The following WWC1 variants were observed in gnomAD, a reference collection of about 807,000 sequenced individuals.
WWC1 encodes the protein WW and C2 domain containing 1.
In WWC1, 55 loss-of-function variants were observed where a neutral mutation model predicts 138.4. The ratio of observed to expected loss-of-function variants is 0.40; its 90% CI spans 0.32 to 0.50. The LOEUF is 0.50. WWC1 is among the 20% of genes least tolerant of loss of function. WWC1 has a pLI of 0.72. For missense variants in WWC1, 1,226 were observed against 1,420.4 expected (o/e 0.86, Z 2.20); for synonymous variants, 524 against 564.9 (o/e 0.93, Z 1.03).
intron 17 of WWC1, among the ~76,000 whole-genome samples, chr5:168,445,972 A>G (rs1755223115): frequency 1.3e-5 from 2 of 152,140 alleles, no homozygotes. Context: ...CCCACACAGC[A>G]ACTTTTGCTT....
At chr5:168,327,221 C>G (rs1022869384) in intron 1 of WWC1, among the ~76,000 whole-genome samples, 11 of 152,224 alleles carry the variant, frequency 7.2e-5, no homozygotes, top group Admixed American at 2.6e-4. Context: ...CTTAGCATGA[C>G]TCAGGGCCCC....
At chr5:168,452,780 T>G (rs1053053178) in intron 17 of WWC1, among the ~76,000 whole-genome samples, 1 of 152,030 alleles carries the variant, frequency 6.6e-6, no homozygotes, top group South Asian at 2.1e-4. Flanking sequence ...CTCCTCCTCC[T>G]CCTCCTCTTC....
chr5:168,356,996 G>A (rs1452288584), intron 1 of WWC1, among the ~76,000 whole-genome samples: 1 of 152,084 alleles, frequency 6.6e-6, no homozygotes, highest in Non-Finnish European at 1.5e-5. Context: ...AATCATGATG[G>A]TCATGATGCC....
chr5:168,438,313 T>C (rs941256952), intron 15 of WWC1, among the ~76,000 whole-genome samples: 6 of 152,118 alleles, frequency 3.9e-5, no homozygotes, highest in African/African-American at 1.4e-4. Context: ...TGGGGGCTGT[T>C]ACCCCCATGC....
intron 3 of WWC1, among the ~76,000 whole-genome samples, chr5:168,388,580 A>G (rs1350864241): frequency 6.6e-6 from 1 of 152,214 alleles, no homozygotes; most frequent in Non-Finnish European, 1.5e-5. Context: ...CTGTAATCCC[A>G]GCAATTTGGG....
At position 168,441,655 on chromosome 5, in the gene WWC1, T is replaced by C. The variant is rs544516801; in HGVS notation, c.2281-27T>C. 13 of 1,610,406 alleles carry C rather than the reference T, an allele frequency of 8.1e-6. No individual in the cohort carries two copies. In the African/African-American group the frequency reaches 1.2e-4, roughly 15 times the overall value. On this transcript the variant is annotated intron_variant, in intron 15 of 22. Transcript: ENST00000265293. The stretch of plus-strand genomic sequence containing the variant: ...CTGGTGTCCCCCCCACCGCCACTTA[T>C]GTTCTCCTTGTTTCCATCCCCAACA...
Position 168,464,732 on chromosome 5 carries a change from T to C in WWC1, c.2920T>C (p.Ser974Pro). The C allele has an allele frequency of 6.2e-7, 1 of 1,614,086 alleles. No individual in the cohort carries two copies. The change falls in exon 21 of 23, where the codon TCC becomes CCC. Residue 974 changes from serine to proline, a missense_variant. This residue lies in a region of WWC1 where 206 missense variants were observed against 247.4 expected (regional missense o/e 0.83). Transcript: ENST00000265293. ...GAAGCCGTCCCCACCCCCACAGCCT[T>C]CCTCGGTCAAGTCGCTGCGCTCCGA... Reference protein sequence around the residue: ...ERRSVRMKRPSSVKSLRSERL... With the variant: ...ERRSVRMKRPPSVKSLRSERL...
At chr5:168,295,919 C>G (rs1011090865) in intron 1 of WWC1, among the ~76,000 whole-genome samples, 2 of 152,200 alleles carry the variant, frequency 1.3e-5, no homozygotes, top group Non-Finnish European at 2.9e-5. Flanking sequence ...GTCCTGCCCA[C>G]TGGGCCAAAG....
At chr5:168,367,535 G>GTTAGCCAGGATC in intron 1 of WWC1, among the ~76,000 whole-genome samples, 1 of 148,590 alleles carries the variant, frequency 6.7e-6, no homozygotes, top group South Asian at 2.2e-4. Context: ...GTTTCACCGT[G>GTTAGCCAGGATC]GTCTCGATCT....
chr5:168,451,148 A>G (rs2152881962), intron 17 of WWC1, among the ~76,000 whole-genome samples: 1 of 152,168 alleles, frequency 6.6e-6, no homozygotes, highest in Non-Finnish European at 1.5e-5. Context: ...CCTCCCGAGT[A>G]GCTAGAATTA....
At chr5:168,420,724 C>T (rs1287022688) in intron 9 of WWC1, among the ~76,000 whole-genome samples, 10 of 152,276 alleles carry the variant, frequency 6.6e-5, no homozygotes, top group Middle Eastern at 3.4e-3. Flanking sequence ...TAGCAGTAAC[C>T]GCACAGTCTT....
At chr5:168,313,452 G>C (rs990607735) in intron 1 of WWC1, among the ~76,000 whole-genome samples, 3 of 152,248 alleles carry the variant, frequency 2.0e-5, no homozygotes, top group East Asian at 3.9e-4. Flanking sequence ...TTAGCCAGAC[G>C]TGGTGGCGGG....
At chr5:168,396,882 G>T (rs1778943350) in intron 3 of WWC1, among the ~76,000 whole-genome samples, 3 of 152,104 alleles carry the variant, frequency 2.0e-5, no homozygotes, top group East Asian at 1.9e-4. Flanking sequence ...TTGTATTAGG[G>T]TGGTAAGATA....
At chr5:168,390,824 A>G (rs1778429597) in intron 3 of WWC1, among the ~76,000 whole-genome samples, 1 of 152,242 alleles carries the variant, frequency 6.6e-6, no homozygotes, top group Non-Finnish European at 1.5e-5. Context: ...CATGGGGAAG[A>G]AGGGAACTAA....
In WWC1 at chr5:168,436,317, C is replaced by T. The variant is rs376586895; in HGVS notation, c.2280+4873C>T. Reference sequence around the variant, plus strand: ...CCCTTGCTTGGCCTCCTGGTTACCTCGCTCTTCCAGTGTTCTCCCCTCACC... The same window carrying T: ...CCCTTGCTTGGCCTCCTGGTTACCTTGCTCTTCCAGTGTTCTCCCCTCACC... On this transcript the variant is annotated intron_variant, in intron 15 of 22. Transcript: ENST00000265293. 2.5e-4 allele frequency among the ~76,000 whole-genome samples: 38 copies of T among 152,260 alleles called. 1 individual carries two copies. In the East Asian group the frequency reaches 4.1e-3, roughly 16 times the overall value.
chr5:168,445,392 C>T (rs1755156923), intron 17 of WWC1, among the ~76,000 whole-genome samples: 1 of 150,954 alleles, frequency 6.6e-6, no homozygotes, highest in Non-Finnish European at 1.5e-5. Context: ...AACCTCATCT[C>T]AAAAAATTTT....
intron 1 of WWC1, among the ~76,000 whole-genome samples, chr5:168,302,621 C>T (rs1770193213): frequency 6.6e-6 from 1 of 152,042 alleles, no homozygotes; most frequent in African/African-American, 2.4e-5. Flanking sequence ...AATGGTGATA[C>T]ACAATAGAGT....
intron 2 of WWC1, among the ~76,000 whole-genome samples, chr5:168,381,875 G>T (rs1444203920): frequency 2.0e-5 from 3 of 150,652 alleles, no homozygotes; most frequent in Non-Finnish European, 1.5e-5. Flanking sequence ...CTGAGAATGT[G>T]GGGGGAGGCA....
At chr5:168,453,425 A>G (rs545771928) in intron 17 of WWC1, among the ~76,000 whole-genome samples, 1 of 152,316 alleles carries the variant, frequency 6.6e-6, no homozygotes, top group African/African-American at 2.4e-5. Flanking sequence ...AACTGGGAAA[A>G]GGTAGGAGAG....
Sources: gnomAD v4.1 joint callset for allele counts (sites outside exome capture counted in the v4.1 genomes callset) on GRCh38, gnomAD v4.1.1 for gene constraint, gnomAD v4.1.1 regional missense constraint, MANE v1.5 for transcripts, NCBI Gene and HGNC (gene_info 2026-07-23, HGNC 2026-07-21) for gene names.